Variants in SUMF1 observed in about 807,000 individuals in gnomAD.
The protein encoded by SUMF1 is sulfatase modifying factor 1.
SUMF1 carries 48 observed loss-of-function variants against 47.6 expected under a neutral mutation model. That is an observed-to-expected ratio of 1.01 (90% CI 0.80 to 1.28). SUMF1 has a LOEUF of 1.28. Among genes scored for constraint, SUMF1 ranks in the 50% most tolerant of loss-of-function variants. The pLI is 0.00. For missense variants in SUMF1, 571 were observed against 485.4 expected, an observed-to-expected ratio of 1.18 and a Z score of -1.66; for synonymous variants, 230 against 192.1, an observed-to-expected ratio of 1.20 and a Z score of -1.63.
At chr3:4,261,217 T>C (rs1255540475) in intron 8 of SUMF1, among the ~76,000 whole-genome samples, 3 of 152,158 alleles carry the variant, frequency 2.0e-5, no homozygotes, top group Non-Finnish European at 4.4e-5. Flanking sequence ...TTATGTAATT[T>C]TTTCATAAGG....
chr3:4,448,150 C>T (rs141705727), intron 3 of SUMF1, among the ~76,000 whole-genome samples: 4 of 152,268 alleles, frequency 2.6e-5, no homozygotes, highest in African/African-American at 2.4e-5. Flanking sequence ...ATTTTTCAAA[C>T]ATTTATCTAA....
intron 8 of SUMF1, among the ~76,000 whole-genome samples, chr3:4,231,551 G>C (rs1696300036): frequency 6.6e-6 from 1 of 152,154 alleles, no homozygotes; most frequent in African/African-American, 2.4e-5. Flanking sequence ...TTGAAGAGCA[G>C]GTCACAGAGG....
chr3:4,305,003 TAATTTTTCTGGTTAAC>T (rs768266591), intron 8 of SUMF1, among the ~76,000 whole-genome samples: 59 of 152,310 alleles, frequency 3.9e-4, no homozygotes, highest in Admixed American at 9.1e-4. Flanking sequence ...AGGTAGATTT[TAATTTTTCTGGTTAAC>T]AATTTTTCTG....
chr3:4,042,618 C>T (rs866417547), intron 9 of SUMF1, among the ~76,000 whole-genome samples: 2 of 151,934 alleles, frequency 1.3e-5, no homozygotes, highest in Non-Finnish European at 2.9e-5. Context: ...CTCATTTTTT[C>T]CTTTAAAAAC....
chr3:4,362,979 C>T (rs1478118193), intron 8 of SUMF1, among the ~76,000 whole-genome samples: 1 of 151,974 alleles, frequency 6.6e-6, no homozygotes, highest in Non-Finnish European at 1.5e-5. Flanking sequence ...TGTGGTATGA[C>T]CACAGTGTAG....
At chr3:4,273,516 CAG>C (rs1008210487) in intron 8 of SUMF1, among the ~76,000 whole-genome samples, 2 of 151,974 alleles carry the variant, frequency 1.3e-5, no homozygotes, top group Admixed American at 6.6e-5. Context: ...AAGGCGGAAA[CAG>C]AGGATGACTG....
chr3:4,107,995 A>G (rs953488093), intron 8 of SUMF1, among the ~76,000 whole-genome samples: 3 of 152,136 alleles, frequency 2.0e-5, no homozygotes, highest in African/African-American at 7.2e-5. Context: ...GGAAACTAGA[A>G]AAAACAATTT....
chr3:4,375,003 A>C (rs1009411650), intron 8 of SUMF1, among the ~76,000 whole-genome samples: 30 of 151,912 alleles, frequency 2.0e-4, no homozygotes, highest in African/African-American at 7.0e-4. Flanking sequence ...TCTCTAAAAA[A>C]AATTTAAAAA....
intron 8 of SUMF1, among the ~76,000 whole-genome samples, chr3:4,070,928 G>T (rs531644740): frequency 1.3e-5 from 2 of 152,086 alleles, no homozygotes; most frequent in Non-Finnish European, 2.9e-5. Flanking sequence ...ACCGTGCCTG[G>T]CCTCCTTTCA....
intron 8 of SUMF1, among the ~76,000 whole-genome samples, chr3:4,079,826 T>G (rs1692521562): frequency 6.6e-6 from 1 of 151,338 alleles, no homozygotes; most frequent in Admixed American, 6.6e-5. Context: ...AGTCCTATCT[T>G]TTAAACCTAC....
chr3:4,319,158 A>G (rs1297471537), intron 8 of SUMF1, among the ~76,000 whole-genome samples: 2 of 152,214 alleles, frequency 1.3e-5, no homozygotes, highest in African/African-American at 4.8e-5. Context: ...TTGTTCATTG[A>G]AATGTGACAT....
intron 8 of SUMF1, among the ~76,000 whole-genome samples, chr3:4,095,388 C>T (rs904405152): frequency 2.0e-5 from 3 of 152,126 alleles, no homozygotes; most frequent in Admixed American, 2.0e-4. Context: ...AAATCTAGTA[C>T]CTTTCAAAGT....
At chr3:4,082,534 T>C (rs1227300768) in intron 8 of SUMF1, among the ~76,000 whole-genome samples, 1 of 152,134 alleles carries the variant, frequency 6.6e-6, no homozygotes, top group Non-Finnish European at 1.5e-5. Context: ...TAGAATTAAA[T>C]TATATTTAAA....
Position 4,253,951 on chromosome 3 carries a change from G to T in SUMF1, c.1014+122379C>A, listed in dbSNP as rs1178958512. Among the ~76,000 whole-genome samples the T allele has an allele frequency of 1.1e-4, 16 of 150,130 alleles. No individual in the cohort carries two copies. The Middle Eastern group carries it at 0.01, about 96-fold the overall frequency. On this transcript the variant is annotated intron_variant and NMD_transcript_variant, in intron 8 of 12. Transcript: ENST00000448413. ...AGACTGCCTCCTCAAGTGGGTCCCTGACCCCTGACCCCCGAGCAGCCTAAC... is the reference window on the plus strand; with the variant it reads ...AGACTGCCTCCTCAAGTGGGTCCCTTACCCCTGACCCCCGAGCAGCCTAAC...
chr3:4,290,325 G>C (rs1326859880), intron 8 of SUMF1, among the ~76,000 whole-genome samples: 3 of 149,494 alleles, frequency 2.0e-5, no homozygotes, highest in Admixed American at 1.3e-4. Flanking sequence ...ACGTTTATCT[G>C]AATTTTCTCA....
At chr3:4,394,590 A>G (rs6763503) in intron 7 of SUMF1, among the ~76,000 whole-genome samples, 2,089 of 152,324 alleles carry the variant, frequency 0.014, 38 homozygotes, top group African/African-American at 0.048. Context: ...CCTTGGCTAG[A>G]CTGAACCTCA....
intron 3 of SUMF1, among the ~76,000 whole-genome samples, chr3:4,442,630 AG>A (rs1359705508): frequency 0.044 from 1,512 of 34,414 alleles, 18 homozygotes; most frequent in Non-Finnish European, 0.16. Context: ...GGGACAAGAG[AG>A]AAAAAGGAAA....
At chr3:4,095,923 T>A (rs968565055) in intron 8 of SUMF1, among the ~76,000 whole-genome samples, 1 of 151,956 alleles carries the variant, frequency 6.6e-6, no homozygotes, top group Non-Finnish European at 1.5e-5. Context: ...TACAGACACA[T>A]TTTTTTTCTA....
chr3:4,449,272 T>C lies in SUMF1; in HGVS notation c.513A>G (p.Gln171=). ...MLSEQVKTNI[Q]QAVAAAPWWL... ...CTGTTGAAACATTACTTACTGCCTG[T>C]TGAATATTGGTCTTCACTTGCTCAC... Residue 171 remains glutamine, a synonymous_variant, in exon 3 of 9, where the codon CAA becomes CAG. Coordinates refer to ENST00000272902, the MANE Select transcript of SUMF1 (RefSeq NM_182760.4). 6.2e-7 allele frequency: 1 copy of C among 1,614,142 alleles called. No homozygotes were observed. Among genetic ancestry groups the C allele is most frequent in the African/African-American group, 1.3e-5 (1 of 75,048 alleles).
Sources: gnomAD v4.1 joint callset for allele counts (sites outside exome capture counted in the v4.1 genomes callset) on GRCh38, gnomAD v4.1.1 for gene constraint, MANE v1.5 for transcripts, NCBI Gene and HGNC (gene_info 2026-07-23, HGNC 2026-07-21) for gene names.